The following VWA8 variants were observed in gnomAD, a reference collection of about 807,000 sequenced individuals.
The protein encoded by VWA8 is von Willebrand factor A domain-containing protein 8.
A neutral mutation model predicts 241.5 loss-of-function variants in VWA8; 221 were observed. The ratio of observed to expected loss-of-function variants is 0.91; its 90% CI spans 0.82 to 1.02. The LOEUF is 1.02. Among genes scored for constraint, VWA8 ranks in the 50% least tolerant of loss-of-function variants. The pLI is 0.00. For missense variants in VWA8, 2,322 were observed against 2,328.7 expected (o/e 1.00, Z 0.06); for synonymous variants, 852 against 827.1 (o/e 1.03, Z -0.52).
intron 26 of VWA8, among the ~76,000 whole-genome samples, chr13:41,703,681 C>T (rs976893487): frequency 6.6e-6 from 1 of 152,088 alleles, no homozygotes; most frequent in East Asian, 1.9e-4. Context: ...TACATACATA[C>T]TCCTTTGAAT....
chr13:41,572,606 A>G (rs2044315298), intron 43 of VWA8, among the ~76,000 whole-genome samples: 1 of 151,846 alleles, frequency 6.6e-6, no homozygotes, highest in Non-Finnish European at 1.5e-5. Flanking sequence ...CATGCTCCTT[A>G]AGAGTCATCA....
chr13:41,572,595 G>A (rs945078571), intron 43 of VWA8, among the ~76,000 whole-genome samples: 1 of 151,922 alleles, frequency 6.6e-6, no homozygotes, highest in Non-Finnish European at 1.5e-5. Flanking sequence ...CTTGAAGGCA[G>A]CATGCTCCTT....
intron 30 of VWA8, among the ~76,000 whole-genome samples, chr13:41,692,295 A>C (rs187195454): frequency 3.1e-3 from 467 of 152,240 alleles, no homozygotes; most frequent in Non-Finnish European, 5.0e-3. Context: ...GACATTAAAA[A>C]AAATCACTCT....
At chr13:41,787,621 C>CACAT (rs2137943404) in intron 17 of VWA8, 78 bp from the exon 18 acceptor site, 3 of 775,084 alleles carry the variant, frequency 3.9e-6, no homozygotes, top group East Asian at 5.1e-5. Flanking sequence ...CACACACACA[C>CACAT]ACACACACAC....
intron 37 of VWA8, among the ~76,000 whole-genome samples, chr13:41,617,832 T>C (rs900957184): frequency 6.6e-6 from 1 of 152,170 alleles, no homozygotes; most frequent in Non-Finnish European, 1.5e-5. Flanking sequence ...TCATTTTTTA[T>C]GGCTGCATAG....
Position 41,733,425 on chromosome 13 carries a change from A to G in VWA8, c.2427-1270T>C, listed in dbSNP as rs562177409. On this transcript the variant is annotated intron_variant, in intron 21 of 44. Coordinates refer to ENST00000379310, the MANE Select transcript of VWA8 (RefSeq NM_015058.2). ...CTTATTGGCCATGTGATTGTGGGTAAGTAATAAAACCCACCCAAAAGGATT... is the reference window on the plus strand; with the variant it reads ...CTTATTGGCCATGTGATTGTGGGTAGGTAATAAAACCCACCCAAAAGGATT... 2.0e-5 allele frequency among the ~76,000 whole-genome samples: 3 copies of G among 152,340 alleles called. No homozygotes were observed. In the South Asian group the frequency reaches 6.2e-4, roughly 32 times the overall value.
At chr13:41,766,339 T>C (rs1490729103) in intron 20 of VWA8, among the ~76,000 whole-genome samples, 3 of 151,472 alleles carry the variant, frequency 2.0e-5, no homozygotes, top group Non-Finnish European at 2.9e-5. Flanking sequence ...AAGAAAGAAA[T>C]AGAGTAGGAG....
chr13:41,603,151 T>TC (rs2044532453), intron 40 of VWA8, among the ~76,000 whole-genome samples: 1 of 152,176 alleles, frequency 6.6e-6, no homozygotes, highest in South Asian at 2.1e-4. Flanking sequence ...TACTTTGTTT[T>TC]CCATGCATTT....
At chr13:41,849,894 A>G (rs950709911) in intron 12 of VWA8, among the ~76,000 whole-genome samples, 3 of 152,054 alleles carry the variant, frequency 2.0e-5, no homozygotes, top group Non-Finnish European at 2.9e-5. Flanking sequence ...CTCAAAAAAA[A>G]AAAAGAAAAG....
chr13:41,585,893 A>G (rs888727768), intron 42 of VWA8, among the ~76,000 whole-genome samples: 1 of 148,422 alleles, frequency 6.7e-6, no homozygotes, highest in African/African-American at 2.5e-5. Flanking sequence ...AAAGAAAAAG[A>G]AAAAAAAAAC....
chr13:41,923,241 C>A (rs1315544172), intron 2 of VWA8, among the ~76,000 whole-genome samples: 4 of 152,044 alleles, frequency 2.6e-5, no homozygotes, highest in African/African-American at 7.2e-5. Context: ...ACAATGAGAA[C>A]ACTTGGACAC....
At chr13:41,951,831 T>C (rs1483532654) in intron 1 of VWA8, among the ~76,000 whole-genome samples, 1 of 152,164 alleles carries the variant, frequency 6.6e-6, no homozygotes, top group Non-Finnish European at 1.5e-5. Context: ...AGACAGAAAT[T>C]TTACAAATGA....
intron 28 of VWA8, among the ~76,000 whole-genome samples, 179 bp from the exon 29 acceptor site, chr13:41,699,449 C>T (rs1211315169): frequency 6.6e-6 from 1 of 152,144 alleles, no homozygotes; most frequent in East Asian, 1.9e-4. Context: ...AGTTTTGACC[C>T]TAAATGTAGA....
At chr13:41,881,522 C>CT (rs572833036) in intron 9 of VWA8, among the ~76,000 whole-genome samples, 145,761 of 145,788 alleles carry the variant, frequency 1, 72,867 homozygotes, top group Middle Eastern at 1. Context: ...CCTTTCCCCC[C>CT]TTCTGTTCCA....
chr13:41,729,828 C>CACACAT (rs2045468269), intron 22 of VWA8, 151 bp from the exon 23 acceptor site: 1 of 596,060 alleles, frequency 1.7e-6, no homozygotes. Context: ...CACACACACA[C>CACACAT]ACACACACAC....
At chr13:41,846,500 T>A (rs984005871) in intron 12 of VWA8, among the ~76,000 whole-genome samples, 3 of 152,224 alleles carry the variant, frequency 2.0e-5, no homozygotes, top group African/African-American at 7.2e-5. Flanking sequence ...TGGCACCTAA[T>A]GGTTATTTAA....
At chr13:41,619,517 G>A (rs2044643195) in intron 37 of VWA8, among the ~76,000 whole-genome samples, 1 of 152,208 alleles carries the variant, frequency 6.6e-6, no homozygotes, top group Non-Finnish European at 1.5e-5. Flanking sequence ...TTGAATAGGA[G>A]TGGTGAGAGA....
chr13:41,926,694 G>GCTAC, intron 2 of VWA8: 1 of 538,624 alleles, frequency 1.9e-6, no homozygotes, highest in Admixed American at 1.9e-5. Flanking sequence ...TACAAGGTCA[G>GCTAC]CTACCACCCA....
chr13:41,928,492 G>C lies in VWA8; in HGVS notation c.242-16324C>G, dbSNP rs191632438. 1.4e-4 allele frequency among the ~76,000 whole-genome samples: 21 copies of C among 152,122 alleles called. No homozygotes were observed. The East Asian group carries it at 1.7e-3, about 13-fold the overall frequency. On this transcript the variant is annotated intron_variant, in intron 2 of 44. Transcript: ENST00000379310. ...TGTGAAAATGAAACAACATGCTCTT[G>C]AACAACCAGTGGGCCAAGAAGAAAC...
Sources: gnomAD v4.1 joint callset for allele counts (sites outside exome capture counted in the v4.1 genomes callset) on GRCh38, gnomAD v4.1.1 for gene constraint, MANE v1.5 for transcripts, NCBI Gene and HGNC (gene_info 2026-07-23, HGNC 2026-07-21) for gene names.